The following RBMS3 variants were observed in gnomAD, a reference collection of about 807,000 sequenced individuals.
RBMS3 encodes RNA binding motif single stranded interacting protein 3.
Under a neutral mutation model 66.8 loss-of-function variants are expected in RBMS3, and 27 were observed. The observed-to-expected ratio is 0.40, with a 90% CI of 0.30 to 0.56. The LOEUF (loss-of-function observed/expected upper bound fraction) is 0.56. RBMS3 is among the 20% of genes least tolerant of loss of function. The pLI is 0.40. For synonymous variants in RBMS3, 188 were observed against 183.0 expected (o/e 1.03, Z -0.22); for missense variants, 513 against 549.5 (o/e 0.93, Z 0.66).
rs2031763097 is a variant in RBMS3, at chr3:29,281,425, T to A, written c.-257T>A. On this transcript the variant is annotated 5_prime_UTR_variant, in exon 1 of 15. Transcript: ENST00000383767. ...GGCAGCTGGGGGAAGCCAGGCAAGA[T>A]CTGGGAAGGCTGTGTGTGGGTGTTT... The A allele has an allele frequency of 2.0e-6, 1 of 508,300 alleles. No homozygotes were observed. The highest frequency in any genetic ancestry group is 3.4e-6 in the Non-Finnish European group (1 of 291,088). 31.5% of individuals were successfully genotyped at this position (508,300 alleles called of 1,614,324 possible).
chr3:29,999,111 C>A (rs1031357909), intron 14 of RBMS3, among the ~76,000 whole-genome samples: 10 of 151,534 alleles, frequency 6.6e-5, no homozygotes, highest in Non-Finnish European at 5.9e-5. Flanking sequence ...AGAATATGAT[C>A]AGACACTTCT....
intron 4 of RBMS3, among the ~76,000 whole-genome samples, chr3:29,668,372 T>G (rs909978692): frequency 4.6e-5 from 7 of 152,236 alleles, no homozygotes; most frequent in African/African-American, 1.7e-4. Context: ...CTTTGAGAGC[T>G]GCCAAATACT....
intron 4 of RBMS3, among the ~76,000 whole-genome samples, chr3:29,684,779 T>TACACACAC (rs10570309): frequency 0.016 from 2,315 of 145,728 alleles, 68 homozygotes; most frequent in African/African-American, 0.056. Context: ...GTTTGTTATG[T>TACACACAC]ACACACACAC....
intron 5 of RBMS3, among the ~76,000 whole-genome samples, chr3:29,749,632 T>C (rs1057381944): frequency 1.3e-5 from 2 of 152,186 alleles, no homozygotes; most frequent in African/African-American, 4.8e-5. Flanking sequence ...CCAAAATATC[T>C]TGAGGTTCCT....
chr3:29,826,322 T>C (rs1054189131), intron 6 of RBMS3, among the ~76,000 whole-genome samples: 4 of 152,194 alleles, frequency 2.6e-5, no homozygotes, highest in African/African-American at 9.6e-5. Context: ...GTATTTTTTA[T>C]CAGAAATATC....
At chr3:29,664,218 G>A (rs904951193) in intron 4 of RBMS3, among the ~76,000 whole-genome samples, 1 of 152,088 alleles carries the variant, frequency 6.6e-6, no homozygotes, top group Non-Finnish European at 1.5e-5. Flanking sequence ...GGCCAGGCAC[G>A]GCGACGCATG....
At chr3:29,517,368 G>T (rs1426419334) in intron 3 of RBMS3, among the ~76,000 whole-genome samples, 3 of 149,362 alleles carry the variant, frequency 2.0e-5, no homozygotes, top group Non-Finnish European at 4.4e-5. Context: ...TGTTGCCCAG[G>T]CTGGAGTACA....
At chr3:29,648,682 A>G (rs1313604441) in intron 4 of RBMS3, among the ~76,000 whole-genome samples, 1 of 152,046 alleles carries the variant, frequency 6.6e-6, no homozygotes, top group Non-Finnish European at 1.5e-5. Context: ...AACATTTTGC[A>G]CTAAAGGAAA....
intron 1 of RBMS3, among the ~76,000 whole-genome samples, chr3:29,413,801 A>G (rs1414030919): frequency 6.6e-6 from 1 of 152,204 alleles, no homozygotes; most frequent in African/African-American, 2.4e-5. Flanking sequence ...TGTTGTATCA[A>G]AGTTATAAAT....
chr3:29,426,657 GA>G (rs2125710647), intron 1 of RBMS3, among the ~76,000 whole-genome samples: 1 of 152,286 alleles, frequency 6.6e-6, no homozygotes, highest in African/African-American at 2.4e-5. Context: ...AGTTCTTAAT[GA>G]AAATGGCAAA....
chr3:29,612,527 G>T (rs894816917), intron 4 of RBMS3, among the ~76,000 whole-genome samples: 1 of 151,898 alleles, frequency 6.6e-6, no homozygotes, highest in African/African-American at 2.4e-5. Flanking sequence ...CATAGAGGTG[G>T]GTCTAAGGGA....
intron 10 of RBMS3, among the ~76,000 whole-genome samples, chr3:29,921,346 C>T (rs995402930): frequency 7.9e-5 from 12 of 151,990 alleles, no homozygotes; most frequent in South Asian, 6.3e-4. Flanking sequence ...TTACAGACAT[C>T]GAGCCGCAGC....
At position 29,739,877 on chromosome 3, in the gene RBMS3, G is replaced by A; in HGVS notation, c.557G>A (p.Arg186Lys). 6.4e-7 allele frequency: 1 copy of A among 1,560,764 alleles called. No homozygotes were observed. The highest frequency in any genetic ancestry group is 8.6e-7 in the Non-Finnish European group (1 of 1,157,318). Residue 186 changes from arginine (R) to lysine (K), a missense_variant and splice_region_variant, in exon 5 of 15, where the codon AGA (arginine) becomes AAA (lysine). Arg to Lys is a conservative substitution (Grantham distance 26, BLOSUM62 2). Transcript: ENST00000383767. Reference sequence around the variant, plus strand: ...GTCAGCAGAGGTGTTGGCTTTGCCAGGTAAAATTCTTTCTTTGTATGTAAT... The same window carrying A: ...GTCAGCAGAGGTGTTGGCTTTGCCAAGTAAAATTCTTTCTTTGTATGTAAT... ...NGVSRGVGFARMESTEKCEVV... is the reference protein window; with the variant it reads ...NGVSRGVGFAKMESTEKCEVV...
At chr3:29,722,237 A>T (rs1345503405) in intron 4 of RBMS3, among the ~76,000 whole-genome samples, 1 of 152,110 alleles carries the variant, frequency 6.6e-6, no homozygotes, top group Non-Finnish European at 1.5e-5. Context: ...ACTTGTAAAA[A>T]TGTTGCAAAA....
At chr3:29,976,466 A>G (rs1364796403) in intron 12 of RBMS3, among the ~76,000 whole-genome samples, 3 of 152,128 alleles carry the variant, frequency 2.0e-5, no homozygotes, top group Non-Finnish European at 1.5e-5. Context: ...AGCATTATGA[A>G]TGCATACACT....
chr3:29,703,902 T>C (rs1441442739), intron 4 of RBMS3, among the ~76,000 whole-genome samples: 2 of 152,158 alleles, frequency 1.3e-5, no homozygotes, highest in Non-Finnish European at 2.9e-5. Flanking sequence ...TCACCCACAT[T>C]ATCGCCTGCA....
chr3:29,529,737 G>A (rs1019797138), intron 3 of RBMS3, among the ~76,000 whole-genome samples: 1 of 152,100 alleles, frequency 6.6e-6, no homozygotes, highest in Non-Finnish European at 1.5e-5. Context: ...CTTTATCTAA[G>A]AATGGATAAA....
intron 4 of RBMS3, among the ~76,000 whole-genome samples, chr3:29,682,024 T>C (rs1261995422): frequency 2.0e-5 from 3 of 152,214 alleles, no homozygotes; most frequent in African/African-American, 7.2e-5. Context: ...TCTGTCATTT[T>C]TTGACTTGTT....
intron 1 of RBMS3, among the ~76,000 whole-genome samples, chr3:29,403,024 A>G (rs2039878022): frequency 2.0e-5 from 3 of 151,964 alleles, no homozygotes; most frequent in Non-Finnish European, 2.9e-5. Flanking sequence ...AAAGTATAAG[A>G]CGATCATAGA....
Sources: gnomAD v4.1 joint callset for allele counts (sites outside exome capture counted in the v4.1 genomes callset) on GRCh38, gnomAD v4.1.1 for gene constraint, MANE v1.5 for transcripts, NCBI Gene and HGNC (gene_info 2026-07-23, HGNC 2026-07-21) for gene names.